Variants in NFKB2 observed in about 807,000 individuals in gnomAD.
The protein encoded by NFKB2 is nuclear factor NF-kappa-B p100 subunit.
A neutral mutation model predicts 109.3 loss-of-function variants in NFKB2; 21 were observed. That is an observed-to-expected ratio of 0.19 (90% CI 0.14 to 0.28). The LOEUF is 0.28. NFKB2 is among the 10% of genes least tolerant of loss of function. The probability of loss-of-function intolerance (pLI) is 1.00; values close to 1 mark genes in which losing one functional copy is unlikely to be tolerated. For missense variants in NFKB2, 806 were observed against 1,185.3 expected (o/e 0.68, Z 4.70); for synonymous variants, 478 against 489.9 (o/e 0.98, Z 0.32).
At chr10:102,395,207 A>G (rs1035420116), upstream of NFKB2, among the ~76,000 whole-genome samples, 3 of 150,294 alleles carry the variant, frequency 2.0e-5, no homozygotes, top group African/African-American at 4.9e-5. Flanking sequence ...AGAGAGAGAA[A>G]AGAGCCCACT....
rs745994881 is a variant in NFKB2, at chr10:102,400,132, G to C, written c.1522G>C (p.Val508Leu). 1.9e-6 allele frequency: 3 copies of C among 1,614,128 alleles called. No individual in the cohort carries two copies. The highest frequency in any genetic ancestry group is 2.5e-6 in the Non-Finnish European group (3 of 1,180,018). The stretch of plus-strand genomic sequence containing the variant: ...GCAGACCAGTGTCATTGAGCAGATA[G>C]TCTATGTCATCCACCACGCCCAGGA... ...HGQTSVIEQI[V>L]YVIHHAQDLG... Residue 508 changes from valine to leucine, a missense_variant, in exon 15 of 23, where the codon GTC becomes CTC. Physicochemically the swap from Val to Leu is conservative, Grantham distance 32 (BLOSUM62 1). Around this residue, in one of 10 missense-constraint regions of NFKB2, gnomAD observed 163 missense variants for 207.1 expected, o/e 0.79. Transcript: ENST00000661543. The surrounding 1 kb of genome is among the most constrained non-coding windows in gnomAD (Gnocchi z 6.3).
chr10:102,401,350 T>A lies in NFKB2; in HGVS notation c.2223+19T>A. ...CACCAAGGTGAGGCCAGCCCGGGAC[T>A]AGAAGTGCTCTGAGTGACGGGGTCC... On this transcript the variant is annotated intron_variant, in intron 19 of 22. Transcript: ENST00000661543. The surrounding 1 kb of genome is among the most constrained non-coding windows in gnomAD (Gnocchi z 4.2). 6.2e-7 allele frequency: 1 copy of A among 1,608,546 alleles called. No homozygotes were observed. Among genetic ancestry groups the A allele is most frequent in the Non-Finnish European group, 8.5e-7 (1 of 1,176,538 alleles).
At position 102,396,164 on chromosome 10, in the gene NFKB2, G is replaced by T. The variant is rs1161744944; in HGVS notation, c.22-89G>T. On this transcript the variant is annotated intron_variant, in intron 2 of 22. Transcript: ENST00000661543. This position sits in a 1 kb window ranked among gnomAD's most constrained non-coding sequence, Gnocchi z 5.9. ...TTCTCTTGGGTCTGAGGAGGAGGGG[G>T]GAGTGACCACTGAAGACTTGGAGAT... 6.8e-7 allele frequency: 1 copy of T among 1,480,658 alleles called. No homozygotes were observed. The highest frequency in any genetic ancestry group is 2.3e-5 in the East Asian group (1 of 43,878). 91.7% of individuals were successfully genotyped at this position (1,480,658 alleles called of 1,614,324 possible).
In NFKB2 at chr10:102,398,627, G is replaced by A; in HGVS notation, c.991+104G>A. ...GGGATGCATGAGCCAAGTCAGAAGT[G>A]CGAGGGTCCCAGGAGGTGCTTCCTA... On this transcript the variant is annotated intron_variant, in intron 11 of 22. Transcript: ENST00000661543. The surrounding 1 kb of genome is among the most constrained non-coding windows in gnomAD (Gnocchi z 6.6). 6.2e-7 allele frequency: 1 copy of A among 1,610,472 alleles called. No individual in the cohort carries two copies. Among genetic ancestry groups the A allele is most frequent in the Non-Finnish European group, 8.5e-7 (1 of 1,178,754 alleles).
At position 102,401,154 on chromosome 10, in the gene NFKB2, G is replaced by A. The variant is rs779673529; in HGVS notation, c.2072-26G>A. The A allele has an allele frequency of 8.2e-6, 13 of 1,592,050 alleles. No individual in the cohort carries two copies. The South Asian group carries it at 9.0e-5, about 11-fold the overall frequency. ...CCTTAATGTAGGCCCCCACCATACC[G>A]CCCCATGACGGCCTCCCTCTCCCAG... is the stretch of plus-strand genomic sequence containing the variant. On this transcript the variant is annotated intron_variant, in intron 18 of 22. Transcript: ENST00000661543. The surrounding 1 kb of genome is among the most constrained non-coding windows in gnomAD (Gnocchi z 4.2).
Position 102,400,403 on chromosome 10 carries a change from A to G in NFKB2, c.1710A>G (p.Ala570=). The change falls in exon 16 of 23, where the codon GCA becomes GCG. Residue 570 remains alanine (A), a synonymous_variant. Transcript: ENST00000661543. This position sits in a 1 kb window ranked among gnomAD's most constrained non-coding sequence, Gnocchi z 6.3. ...CAGCCATGCATCTGGCGCTGCGGGC[A>G]GGCGCTGGTGCTCCTGAGCTGCTGC... ...GDSAMHLALR[A]GAGAPELLRA... The G allele has an allele frequency of 6.2e-7, 1 of 1,613,244 alleles. No individual in the cohort carries two copies. Among genetic ancestry groups the G allele is most frequent in the Non-Finnish European group, 8.5e-7 (1 of 1,180,010 alleles).
rs1386198630 is a variant in NFKB2 at position 102,400,849 on chromosome 10, G to C, written c.1968+25G>C. The C allele has an allele frequency of 1.9e-6, 3 of 1,578,384 alleles. No homozygotes were observed. The highest frequency in any genetic ancestry group is 1.8e-5 in the Admixed American group (1 of 54,358). Reference sequence around the variant, plus strand: ...GGTGGGACTGAGGATTGTGGAAGGAGTGGGGCCAAGGGTGGTGGAGGGGCC... The same window carrying C: ...GGTGGGACTGAGGATTGTGGAAGGACTGGGGCCAAGGGTGGTGGAGGGGCC... On this transcript the variant is annotated intron_variant, in intron 17 of 22. Coordinates refer to ENST00000661543, the MANE Select transcript of NFKB2 (RefSeq NM_001322934.2). The surrounding 1 kb of genome is among the most constrained non-coding windows in gnomAD (Gnocchi z 6.3).
In NFKB2 at chr10:102,400,514, C is replaced by G; in HGVS notation, c.1798+23C>G. On this transcript the variant is annotated intron_variant, in intron 16 of 22. Coordinates refer to ENST00000661543, the MANE Select transcript of NFKB2 (RefSeq NM_001322934.2). The surrounding 1 kb of genome is among the most constrained non-coding windows in gnomAD (Gnocchi z 6.3). ...AGGGTGAGCTCCCCATCTCACCTGA[C>G]TAAGGGGGCAGGCGGGGACCAGGGA... The G allele has an allele frequency of 6.3e-7, 1 of 1,592,626 alleles. No homozygotes were observed. The highest frequency in any genetic ancestry group is 1.3e-5 in the African/African-American group (1 of 74,450).
Position 102,395,932 on chromosome 10 carries a change from T to C in NFKB2, c.-28T>C, listed in dbSNP as rs753214019. ...GGAAGCAGAACCTGGCCGGAGCCAC[T>C]AGACAGAGCCGGGCCTAGCCCAGAG... On this transcript the variant is annotated 5_prime_UTR_variant, in exon 2 of 23. Transcript: ENST00000661543. The C allele has an allele frequency of 1.3e-6, 2 of 1,597,176 alleles. No homozygotes were observed. Among genetic ancestry groups the C allele is most frequent in the South Asian group, 1.1e-5 (1 of 90,788 alleles).
Position 102,400,066 on chromosome 10 carries a change from T to TCCCCAAC in NFKB2, c.1470-8_1470-2dup, listed in dbSNP as rs762347682. On this transcript the variant is annotated splice_polypyrimidine_tract_variant and intron_variant, in intron 14 of 22. Coordinates refer to ENST00000661543, the MANE Select transcript of NFKB2 (RefSeq NM_001322934.2). The surrounding 1 kb of genome is among the most constrained non-coding windows in gnomAD (Gnocchi z 6.3). ...CTGAGTGGCTGGGCCAGACTCTCGC[T>TCCCCAAC]CCCCAACCCCCAGACCACTGCACCT... 9 of 1,612,618 alleles carry TCCCCAAC rather than the reference T, an allele frequency of 5.6e-6. No homozygotes were observed. Among genetic ancestry groups the TCCCCAAC allele is most frequent in the African/African-American group, 1.3e-5 (1 of 74,810 alleles).
Position 102,398,153 on chromosome 10 carries a change from G to A in NFKB2, c.767-59G>A. The A allele has an allele frequency of 6.2e-7, 1 of 1,612,730 alleles. No homozygotes were observed. The highest frequency in any genetic ancestry group is 8.5e-7 in the Non-Finnish European group (1 of 1,178,818). ...AAGACTGGGGCCAGGGAAGCTCTAG[G>A]GTAAATGGCCCCAGAGATTCCACCG... is the stretch of plus-strand genomic sequence containing the variant. On this transcript the variant is annotated intron_variant, in intron 9 of 22. Transcript: ENST00000661543. This position sits in a 1 kb window ranked among gnomAD's most constrained non-coding sequence, Gnocchi z 6.6.
In NFKB2 at chr10:102,397,512, G is replaced by A. The variant is rs779308934; in HGVS notation, c.503-15G>A. 5 of 1,611,924 alleles carry A rather than the reference G, an allele frequency of 3.1e-6. No homozygotes were observed. Among genetic ancestry groups the A allele is most frequent in the Middle Eastern group, 1.7e-4 (1 of 6,054 alleles). ...AGGGAGAAGCCCAGGGGTCACACAT[G>A]TACCTACTGCCCAGAGGCCGAGCAG... On this transcript the variant is annotated splice_polypyrimidine_tract_variant and intron_variant, in intron 7 of 22. Coordinates refer to ENST00000661543, the MANE Select transcript of NFKB2 (RefSeq NM_001322934.2). This position sits in a 1 kb window ranked among gnomAD's most constrained non-coding sequence, Gnocchi z 4.7.
chr10:102,398,136 G>T lies in NFKB2; in HGVS notation c.766+51G>T. ...CCAAGGACATCGAGTATAAGACTGGGGCCAGGGAAGCTCTAGGGTAAATGG... is the reference window on the plus strand; with the variant it reads ...CCAAGGACATCGAGTATAAGACTGGTGCCAGGGAAGCTCTAGGGTAAATGG... On this transcript the variant is annotated intron_variant, in intron 9 of 22. Coordinates refer to ENST00000661543, the MANE Select transcript of NFKB2 (RefSeq NM_001322934.2). The surrounding 1 kb of genome is among the most constrained non-coding windows in gnomAD (Gnocchi z 6.6). 1 of 1,612,668 alleles carries T rather than the reference G, an allele frequency of 6.2e-7. No homozygotes were observed. Among genetic ancestry groups the T allele is most frequent in the Non-Finnish European group, 8.5e-7 (1 of 1,178,704 alleles).
Position 102,401,746 on chromosome 10 carries a change from G to T in NFKB2, c.2295G>T (p.Gly765=). Residue 765 remains glycine, a splice_region_variant and synonymous_variant, in exon 21 of 23, where the codon GGG becomes GGT. Transcript: ENST00000661543. This position sits in a 1 kb window ranked among gnomAD's most constrained non-coding sequence, Gnocchi z 4.2. The part of the protein sequence containing the change: ...EPPLTPPSPA[G]PGLSLGDTAL... The stretch of plus-strand genomic sequence containing the variant: ...TGTCTGTATGTGTGTCCCCCTAAGG[G>T]CCGGGACTGTCACTTGGTGATACAG... 1 of 1,598,372 alleles carries T rather than the reference G, an allele frequency of 6.3e-7. No homozygotes were observed. Among genetic ancestry groups the T allele is most frequent in the Non-Finnish European group, 8.5e-7 (1 of 1,170,798 alleles).
rs1213776761 is a variant in NFKB2 at position 102,400,845 on chromosome 10, A to C, written c.1968+21A>C. 14 of 1,575,230 alleles carry C rather than the reference A, an allele frequency of 8.9e-6. No homozygotes were observed. Among genetic ancestry groups the C allele is most frequent in the African/African-American group, 1.4e-5 (1 of 73,270 alleles). ...CCAAGGTGGGACTGAGGATTGTGGA[A>C]GGAGTGGGGCCAAGGGTGGTGGAGG... On this transcript the variant is annotated intron_variant, in intron 17 of 22. Transcript: ENST00000661543. This position sits in a 1 kb window ranked among gnomAD's most constrained non-coding sequence, Gnocchi z 6.3.
chr10:102,398,377 C>A lies in NFKB2; in HGVS notation c.853-8C>A, dbSNP rs749266689. ...CACTGACACCCTGTGTCTCCCTGCA[C>A]CCCCCAGTATGCCATTGTGTTCCGG... is the stretch of plus-strand genomic sequence containing the variant. On this transcript the variant is annotated splice_polypyrimidine_tract_variant and splice_region_variant and intron_variant, in intron 10 of 22. Transcript: ENST00000661543. The surrounding 1 kb of genome is among the most constrained non-coding windows in gnomAD (Gnocchi z 6.6). 2.9e-5 allele frequency: 47 copies of A among 1,613,670 alleles called. No individual in the cohort carries two copies. In the Admixed American group the frequency reaches 7.7e-4, roughly 26 times the overall value.
rs1277342677 is a variant in NFKB2, at chr10:102,396,075, C to T, written c.21+95C>T. The T allele has an allele frequency of 3.9e-6, 6 of 1,531,524 alleles. No homozygotes were observed. The highest frequency in any genetic ancestry group is 3.4e-5 in the Admixed American group (2 of 59,660). The allele number at this position is 1,531,524 out of a possible 1,614,324, so 94.9% of individuals were successfully genotyped here. On this transcript the variant is annotated intron_variant, in intron 2 of 22. Transcript: ENST00000661543. This position sits in a 1 kb window ranked among gnomAD's most constrained non-coding sequence, Gnocchi z 5.9. ...CCCTCTGCTGCCTTACACCTGTATG[C>T]TCGCAGATGCTCTCAGCCTGCCAGT...
Position 102,399,379 on chromosome 10 carries a change from CG to C in NFKB2, c.1213del (p.Ala405ArgfsTer77). ...TGGGCTGCTACCCGGGAGGCGGGGG[CG>C]GGGCGCAGATGGCCGCCACGGTGCC... ...PMGCYPGGGG[G>X]AQMAATVPSR... On this transcript the variant is annotated frameshift_variant, in exon 13 of 23. Transcript: ENST00000661543. LOFTEE classifies it high-confidence loss of function. 6.5e-7 allele frequency: 1 copy of C among 1,543,718 alleles called. No homozygotes were observed. The highest frequency in any genetic ancestry group is 8.7e-7 in the Non-Finnish European group (1 of 1,145,194).
Position 102,397,719 on chromosome 10 carries a change from G to C in NFKB2, c.661+34G>C. 1.3e-6 allele frequency: 2 copies of C among 1,586,976 alleles called. No homozygotes were observed. Among genetic ancestry groups the C allele is most frequent in the South Asian group, 2.2e-5 (2 of 89,062 alleles). On this transcript the variant is annotated intron_variant, in intron 8 of 22. Transcript: ENST00000661543. The surrounding 1 kb of genome is among the most constrained non-coding windows in gnomAD (Gnocchi z 4.7). ...CCTGATTGCCTGGGGTGCCAGGCCTGGTGGCAGAGGTGGCATGAGGGGTGA... is the reference window on the plus strand; with the variant it reads ...CCTGATTGCCTGGGGTGCCAGGCCTCGTGGCAGAGGTGGCATGAGGGGTGA...
Sources: gnomAD v4.1 joint callset for allele counts (sites outside exome capture counted in the v4.1 genomes callset) on GRCh38, gnomAD v4.1.1 for gene constraint, gnomAD v4.1.1 regional missense constraint, Gnocchi (gnomAD v3.1) non-coding constraint, MANE v1.5 for transcripts, NCBI Gene and HGNC (gene_info 2026-07-23, HGNC 2026-07-21) for gene names.